The following DIAPH2 variants were observed in gnomAD, a reference collection of about 807,000 sequenced individuals.
DIAPH2 encodes the protein protein diaphanous homolog 2.
DIAPH2 carries 35 observed loss-of-function variants against 92.7 expected under a neutral mutation model. That is an observed-to-expected ratio of 0.38 (90% confidence interval 0.29 to 0.50). The LOEUF is 0.50. Among genes scored for constraint, DIAPH2 ranks in the 20% least tolerant of loss-of-function variants. The pLI is 0.94. For synonymous variants in DIAPH2, 301 were observed against 280.4 expected, an observed-to-expected ratio of 1.07 and a Z score of -0.73; for missense variants, 701 against 819.5, an observed-to-expected ratio of 0.86 and a Z score of 1.77.
At position 97,515,159 on chromosome X, in the gene DIAPH2, G is replaced by T. The variant is rs1381365046; in HGVS notation, c.3242-84094G>T. ...TCAGACTGCTGTGCTAGCAATCAGC[G>T]AGATTCCGTGGGCGTAGGACCCTCC... On this transcript the variant is annotated intron_variant, in intron 26 of 26. Coordinates refer to ENST00000324765, the MANE Select transcript of DIAPH2 (RefSeq NM_006729.5). Among the ~76,000 whole-genome samples, 14 of 112,405 alleles carry T rather than the reference G, an allele frequency of 1.2e-4. No homozygotes were observed. In the East Asian group the frequency reaches 3.7e-3, roughly 29 times the overall value.
At chrX:97,217,924 C>T (rs1255353680) in intron 22 of DIAPH2, among the ~76,000 whole-genome samples, 1 of 110,523 alleles carries the variant, frequency 9.0e-6, no homozygotes, top group African/African-American at 3.3e-5. Flanking sequence ...CCAGCCTGGG[C>T]AACAGAGCGA....
chrX:96,844,083 C>T (rs911908792), intron 4 of DIAPH2, among the ~76,000 whole-genome samples: 12 of 111,927 alleles, frequency 1.1e-4, no homozygotes, highest in African/African-American at 3.2e-4. Flanking sequence ...AAATAAGTGG[C>T]GGAATAGCAT....
At chrX:97,276,362 T>C (rs1451782768) in intron 23 of DIAPH2, among the ~76,000 whole-genome samples, 2 of 111,912 alleles carry the variant, frequency 1.8e-5, no homozygotes, top group Non-Finnish European at 3.8e-5. Context: ...AGTTCATTCC[T>C]AAAACTATAT....
chrX:96,783,383 A>T (rs2064433119), intron 4 of DIAPH2, among the ~76,000 whole-genome samples: 1 of 112,399 alleles, frequency 8.9e-6, no homozygotes, highest in African/African-American at 3.2e-5. Context: ...AAACTAAGAG[A>T]CCAAGAAGGA....
chrX:97,389,432 C>CCTGGGCTACAGA (rs1426089896), intron 25 of DIAPH2, among the ~76,000 whole-genome samples: 1 of 101,256 alleles, frequency 9.9e-6, no homozygotes, highest in Non-Finnish European at 2.0e-5. Context: ...CGCCACTGCA[C>CCTGGGCTACAGA]TCCAGCCTGG....
chrX:96,747,729 C>A (rs2064159433), intron 3 of DIAPH2, among the ~76,000 whole-genome samples: 1 of 111,895 alleles, frequency 8.9e-6, no homozygotes, highest in South Asian at 3.7e-4. Context: ...TTCTTTCTCA[C>A]CCAACCCTAG....
At chrX:96,927,313 T>C (rs1265985999) in intron 9 of DIAPH2, among the ~76,000 whole-genome samples, 2 of 100,664 alleles carry the variant, frequency 2.0e-5, no homozygotes, top group African/African-American at 7.4e-5. Context: ...GGAAAGCAGA[T>C]TGATTTTGCA....
chrX:97,078,961 C>A (rs1374166032), intron 19 of DIAPH2, among the ~76,000 whole-genome samples: 1 of 110,667 alleles, frequency 9.0e-6, no homozygotes, highest in Admixed American at 9.7e-5. Context: ...TGAGAAAGAG[C>A]GCATAAAAGA....
chrX:96,718,358 T>TTTTTTTTTTTTTTTTTG (rs1569373822), intron 1 of DIAPH2, among the ~76,000 whole-genome samples: 1 of 69,416 alleles, frequency 1.4e-5, no homozygotes, highest in Non-Finnish European at 2.8e-5. Flanking sequence ...TTTTTTTTTT[T>TTTTTTTTTTTTTTTTTG]TTTTTTTTTT....
At chrX:97,077,048 T>C (rs749170108) in intron 19 of DIAPH2, among the ~76,000 whole-genome samples, 17 of 111,829 alleles carry the variant, frequency 1.5e-4, no homozygotes, top group African/African-American at 4.5e-4. Flanking sequence ...CAGTTTAACA[T>C]GTAGTATAAT....
At chrX:96,934,670 C>G (rs1569429894) in intron 10 of DIAPH2, among the ~76,000 whole-genome samples, 1 of 75,704 alleles carries the variant, frequency 1.3e-5, no homozygotes, top group African/African-American at 4.4e-5. Flanking sequence ...GTTTGTATTT[C>G]ATTTATATGG....
intron 22 of DIAPH2, among the ~76,000 whole-genome samples, chrX:97,185,473 A>ATGTG (rs2067590694): frequency 6.6e-5 from 1 of 15,206 alleles, no homozygotes; most frequent in African/African-American, 2.5e-4. Context: ...ATATATATAC[A>ATGTG]CATATATATA....
At chrX:96,957,764 A>G (rs1379428820) in intron 15 of DIAPH2, 64 bp from the exon 16 acceptor site, 3 of 779,819 alleles carry the variant, frequency 3.8e-6, no homozygotes, top group Middle Eastern at 3.0e-4. Flanking sequence ...CTATTGATAT[A>G]TATTTCTTCA....
chrX:96,715,542 G>A (rs1354002835), intron 1 of DIAPH2, among the ~76,000 whole-genome samples: 1 of 111,696 alleles, frequency 9.0e-6, no homozygotes, highest in East Asian at 2.8e-4. Context: ...CTTTCCCGTG[G>A]CAGTATTGAT....
intron 26 of DIAPH2, among the ~76,000 whole-genome samples, chrX:97,549,389 C>T (rs2071203718): frequency 9.0e-6 from 1 of 111,301 alleles, no homozygotes. Context: ...CAAGGTTAGT[C>T]CAGATTTTGA....
At chrX:97,409,555 A>C (rs919310404) in intron 25 of DIAPH2, among the ~76,000 whole-genome samples, 43 of 111,731 alleles carry the variant, frequency 3.8e-4, no homozygotes, top group African/African-American at 1.4e-3. Flanking sequence ...TGCGAGCCGA[A>C]GCAGGGCAGG....
intron 22 of DIAPH2, among the ~76,000 whole-genome samples, chrX:97,174,772 T>G: frequency 8.9e-6 from 1 of 111,891 alleles, no homozygotes; most frequent in Non-Finnish European, 1.9e-5. Flanking sequence ...TTAATTATTT[T>G]TGATTGATCC....
At chrX:96,768,784 A>C (rs779848464) in intron 4 of DIAPH2, among the ~76,000 whole-genome samples, 26 of 111,445 alleles carry the variant, frequency 2.3e-4, no homozygotes, top group African/African-American at 7.2e-4. Context: ...GAACAAGGGA[A>C]AGTATGGGGG....
At chrX:96,749,635 C>T (rs1002168370) in intron 3 of DIAPH2, among the ~76,000 whole-genome samples, 2 of 111,911 alleles carry the variant, frequency 1.8e-5, no homozygotes, top group African/African-American at 6.5e-5. Flanking sequence ...TTGATGACAG[C>T]CAGTTATTCT....
Sources: allele counts gnomAD v4.1 joint callset (sites outside exome capture counted in the v4.1 genomes callset), GRCh38; gene constraint gnomAD v4.1.1; transcripts MANE v1.5; gene names NCBI Gene and HGNC (gene_info 2026-07-23, HGNC 2026-07-21).